Variants in CNTLN observed in about 807,000 individuals in gnomAD.
The protein encoded by CNTLN is centlein.
Under a neutral mutation model 180.0 loss-of-function variants are expected in CNTLN, and 212 were observed. The observed-to-expected ratio is 1.18, with a 90% CI of 1.05 to 1.32. CNTLN has a LOEUF of 1.32. Among genes scored for constraint, CNTLN ranks in the 40% most tolerant of loss-of-function variants. The pLI is 0.00. For synonymous variants in CNTLN, 722 were observed against 563.1 expected (o/e 1.28, Z -3.99); for missense variants, 2,095 against 1,610.9 (o/e 1.30, Z -5.14).
At chr9:17,316,066 C>CT (rs1169153831) in intron 8 of CNTLN, among the ~76,000 whole-genome samples, 4 of 151,736 alleles carry the variant, frequency 2.6e-5, no homozygotes, top group Non-Finnish European at 5.9e-5. Flanking sequence ...GTTTAATTGT[C>CT]TTTTTTTCTC....
intron 25 of CNTLN, among the ~76,000 whole-genome samples, chr9:17,500,633 G>C (rs1206274449): frequency 2.0e-5 from 3 of 152,166 alleles, no homozygotes; most frequent in African/African-American, 7.2e-5. Context: ...GCCTTTTAAA[G>C]ACTCTTAAGA....
chr9:17,320,416 C>G (rs2133033478), intron 8 of CNTLN, among the ~76,000 whole-genome samples: 1 of 151,362 alleles, frequency 6.6e-6, no homozygotes, highest in East Asian at 1.9e-4. Flanking sequence ...ATGAAGATAA[C>G]TACCATGTTG....
At chr9:17,482,808 T>C (rs1210760013) in intron 23 of CNTLN, among the ~76,000 whole-genome samples, 2 of 152,132 alleles carry the variant, frequency 1.3e-5, no homozygotes, top group African/African-American at 2.4e-5. Context: ...ATGAAACCAC[T>C]TGGAGAAAGA....
chr9:17,237,743 G>C (rs1324102746), intron 5 of CNTLN, among the ~76,000 whole-genome samples: 2 of 151,788 alleles, frequency 1.3e-5, no homozygotes, highest in African/African-American at 4.8e-5. Context: ...TAATATGTAT[G>C]GATATATGTG....
intron 5 of CNTLN, among the ~76,000 whole-genome samples, chr9:17,255,608 G>T (rs1826430579): frequency 6.6e-6 from 1 of 151,742 alleles, no homozygotes; most frequent in African/African-American, 2.4e-5. Flanking sequence ...ATATTCATCA[G>T]ATAATTGGTC....
intron 15 of CNTLN, among the ~76,000 whole-genome samples, chr9:17,399,280 G>T (rs1826780829): frequency 6.6e-6 from 1 of 152,114 alleles, no homozygotes; most frequent in South Asian, 2.1e-4. Context: ...TGTTACAGGG[G>T]TCTCAAATGA....
intron 23 of CNTLN, among the ~76,000 whole-genome samples, chr9:17,469,588 T>G (rs891318844): frequency 7.9e-5 from 12 of 151,860 alleles, no homozygotes; most frequent in African/African-American, 2.9e-4. Context: ...TTAGGTGCGT[T>G]AGATCAATGC....
intron 18 of CNTLN, among the ~76,000 whole-genome samples, chr9:17,456,382 AC>A (rs1831114358): frequency 6.6e-6 from 1 of 152,146 alleles, no homozygotes; most frequent in Non-Finnish European, 1.5e-5. Context: ...AGTTTTTTTC[AC>A]CACAGCATAC....
chr9:17,171,103 G>A (rs921390311), intron 2 of CNTLN, among the ~76,000 whole-genome samples: 2 of 152,140 alleles, frequency 1.3e-5, no homozygotes, highest in Non-Finnish European at 2.9e-5. Flanking sequence ...TTGTTGTTAA[G>A]TTACACGTGA....
intron 8 of CNTLN, among the ~76,000 whole-genome samples, chr9:17,314,443 G>A (rs180898836): frequency 1.9e-4 from 29 of 152,244 alleles, no homozygotes; most frequent in South Asian, 6.2e-4. Context: ...CAAGCCCTGC[G>A]TCCCAACAGG....
chr9:17,169,646 T>C (rs1242307850), intron 2 of CNTLN, among the ~76,000 whole-genome samples: 1 of 152,222 alleles, frequency 6.6e-6, no homozygotes, highest in African/African-American at 2.4e-5. Context: ...GTACCATTTA[T>C]TGAAGAGACT....
At chr9:17,292,811 C>T (rs1248901325) in intron 6 of CNTLN, among the ~76,000 whole-genome samples, 1 of 151,818 alleles carries the variant, frequency 6.6e-6, no homozygotes, top group Non-Finnish European at 1.5e-5. Flanking sequence ...TCAGTTCATC[C>T]ATCTCCACCT....
intron 24 of CNTLN, among the ~76,000 whole-genome samples, chr9:17,485,212 AG>A (rs534778665): frequency 1.2e-3 from 189 of 152,252 alleles, no homozygotes; most frequent in African/African-American, 4.3e-3. Context: ...GAATGCTAAA[AG>A]ATGGTGGCAC....
chr9:17,290,773 C>T (rs953200585), intron 6 of CNTLN, among the ~76,000 whole-genome samples: 1 of 151,662 alleles, frequency 6.6e-6, no homozygotes, highest in Admixed American at 6.6e-5. Context: ...CCCGATTTTC[C>T]AGGTGCGTCT....
intron 15 of CNTLN, among the ~76,000 whole-genome samples, chr9:17,400,339 A>G (rs1246753561): frequency 1.3e-5 from 2 of 152,106 alleles, no homozygotes; most frequent in Non-Finnish European, 2.9e-5. Context: ...AGGTTTCACC[A>G]TGTTGGCCAG....
intron 15 of CNTLN, among the ~76,000 whole-genome samples, chr9:17,407,276 A>G (rs1435802296): frequency 6.6e-6 from 1 of 152,268 alleles, no homozygotes; most frequent in African/African-American, 2.4e-5. Context: ...GTTCTGGGAC[A>G]TTATAAAAGA....
chr9:17,457,516 A>T lies in CNTLN; in HGVS notation c.3115-8A>T, dbSNP rs895770761. 12 of 1,264,050 alleles carry T rather than the reference A, an allele frequency of 9.5e-6. No individual in the cohort carries two copies. Among genetic ancestry groups the T allele is most frequent in the African/African-American group, 6.1e-5 (2 of 32,916 alleles). 78.3% of individuals were successfully genotyped at this position (1,264,050 alleles called of 1,614,324 possible). On this transcript the variant is annotated splice_region_variant and splice_polypyrimidine_tract_variant and intron_variant, in intron 18 of 25. Transcript: ENST00000380647. ...TATTTATATTTATTTTCTTTTTTTA[A>T]AAAAAAGAAGCTAAATTTGGATTTG...
chr9:17,449,070 G>A (rs937889765), intron 18 of CNTLN, among the ~76,000 whole-genome samples: 9 of 152,100 alleles, frequency 5.9e-5, no homozygotes, highest in Admixed American at 4.6e-4. Context: ...TGTAAGTCTC[G>A]TGTTTAGGAG....
Position 17,156,072 on chromosome 9 carries a change from C to T in CNTLN, c.449+12696C>T, listed in dbSNP as rs985067566. On this transcript the variant is annotated intron_variant, in intron 2 of 25. Transcript: ENST00000380647. ...TCTGTGGGCTGCACCCACTGTTCAGCGAGTCCCAATGAGATGAACCGGGTA... is the reference window on the plus strand; with the variant it reads ...TCTGTGGGCTGCACCCACTGTTCAGTGAGTCCCAATGAGATGAACCGGGTA... Among the ~76,000 whole-genome samples the T allele has an allele frequency of 5.9e-5, 9 of 152,134 alleles. No homozygotes were observed. The East Asian group carries it at 1.4e-3, about 23-fold the overall frequency.
Sources: allele counts gnomAD v4.1 joint callset (sites outside exome capture counted in the v4.1 genomes callset), GRCh38; gene constraint gnomAD v4.1.1; transcripts MANE v1.5; gene names NCBI Gene and HGNC (gene_info 2026-07-23, HGNC 2026-07-21).